Variants in TNRC6C observed in about 807,000 individuals in gnomAD.
TNRC6C encodes the protein trinucleotide repeat containing adaptor 6C, also known as trinucleotide repeat-containing gene 6C protein.
TNRC6C carries 20 observed loss-of-function variants against 153.7 expected under a neutral mutation model. The ratio of observed to expected loss-of-function variants is 0.13; its 90% CI spans 0.09 to 0.19. The LOEUF is 0.19. TNRC6C is among the 10% of genes least tolerant of loss of function. The pLI, the probability that TNRC6C is intolerant of heterozygous loss-of-function variation, is 1.00. For synonymous variants in TNRC6C, 811 were observed against 841.4 expected, an observed-to-expected ratio of 0.96 and a Z score of 0.63; for missense variants, 1,987 against 2,172.0, an observed-to-expected ratio of 0.91 and a Z score of 1.69.
chr17:77,991,330 G>C (rs979986636), intron 1 of TNRC6C, among the ~76,000 whole-genome samples: 18 of 152,150 alleles, frequency 1.2e-4, no homozygotes, highest in African/African-American at 4.3e-4. Context: ...TTTTATCTAT[G>C]TGTGGAGGTG....
intron 2 of TNRC6C, among the ~76,000 whole-genome samples, chr17:78,042,518 T>C (rs749929638): frequency 6.6e-6 from 1 of 152,256 alleles, no homozygotes; most frequent in Non-Finnish European, 1.5e-5. Flanking sequence ...TTTCAGAGTT[T>C]TCATTCATTT....
intron 1 of TNRC6C, among the ~76,000 whole-genome samples, chr17:77,991,507 A>G (rs1194259217): frequency 1.3e-5 from 2 of 152,220 alleles, no homozygotes; most frequent in Non-Finnish European, 2.9e-5. Flanking sequence ...GTGAACAGAA[A>G]TAATACGTAA....
At chr17:77,974,633 T>A (rs535263617) in intron 1 of TNRC6C, among the ~76,000 whole-genome samples, 2 of 152,370 alleles carry the variant, frequency 1.3e-5, no homozygotes, top group East Asian at 3.9e-4. Context: ...TACTTGTGTA[T>A]GTTTTTGGTT....
At chr17:78,063,905 A>T (rs964938643) in intron 3 of TNRC6C, among the ~76,000 whole-genome samples, 13 of 152,234 alleles carry the variant, frequency 8.5e-5, no homozygotes, top group Admixed American at 3.9e-4. Flanking sequence ...AGATGTAAAC[A>T]AGCTATTTAA....
At chr17:78,095,241 G>T (rs1176071370) in intron 16 of TNRC6C, among the ~76,000 whole-genome samples, 2 of 152,250 alleles carry the variant, frequency 1.3e-5, no homozygotes, top group Admixed American at 1.3e-4. Flanking sequence ...CATCGCCTGA[G>T]TGTGCCATGG....
chr17:78,023,997 C>G lies in TNRC6C; in HGVS notation c.-545-7519C>G, dbSNP rs569044113. Among the ~76,000 whole-genome samples the G allele has an allele frequency of 1.7e-4, 26 of 152,230 alleles. No individual in the cohort carries two copies. In the East Asian group the frequency reaches 5.0e-3, roughly 29 times the overall value. On this transcript the variant is annotated intron_variant, in intron 1 of 19. Transcript: ENST00000301624. ...TGGTGGCGGGCACCTGTAATCCCAGCTACTTGGGAGGCTGAGGCAGGAGAA... is the reference window on the plus strand; with the variant it reads ...TGGTGGCGGGCACCTGTAATCCCAGGTACTTGGGAGGCTGAGGCAGGAGAA...
Position 78,104,552 on chromosome 17 carries a change from G to A in TNRC6C, c.4780G>A (p.Ala1594Thr). The A allele has an allele frequency of 6.4e-7, 1 of 1,553,498 alleles. No homozygotes were observed. Among genetic ancestry groups the A allele is most frequent in the East Asian group, 2.4e-5 (1 of 41,366 alleles). The change falls in exon 20 of 20, where the codon GCC becomes ACC. Residue 1594 changes from alanine (A) to threonine (T), a missense_variant. Physicochemically the swap from Ala to Thr is moderately conservative, Grantham distance 58. Transcript: ENST00000301624. This position sits in a 1 kb window ranked among gnomAD's most constrained non-coding sequence, Gnocchi z 6.2. Reference sequence around the variant, plus strand: ...TGAAGAAGAAGTGAATCGCTTCTTAGCCCAAGGCCAGGCGCTGCCACCCAC... The same window carrying A: ...TGAAGAAGAAGTGAATCGCTTCTTAACCCAAGGCCAGGCGCTGCCACCCAC...
intron 1 of TNRC6C, among the ~76,000 whole-genome samples, chr17:77,968,700 A>G (rs368404630): frequency 1.3e-4 from 20 of 152,208 alleles, no homozygotes; most frequent in African/African-American, 4.6e-4. Flanking sequence ...GGATGGCAGA[A>G]TTTTGATTGG....
chr17:78,085,727 C>G (rs984469095), intron 11 of TNRC6C, among the ~76,000 whole-genome samples: 2 of 152,096 alleles, frequency 1.3e-5, no homozygotes, highest in African/African-American at 4.8e-5. Flanking sequence ...GAGATAACCA[C>G]GTTGTTTAAC....
intron 3 of TNRC6C, among the ~76,000 whole-genome samples, chr17:78,060,176 T>C (rs2144135316): frequency 6.6e-6 from 1 of 152,340 alleles, no homozygotes; most frequent in African/African-American, 2.4e-5. Context: ...CTTTGCCATC[T>C]GACTGTACTC....
At chr17:78,023,482 G>A (rs2071875532) in intron 1 of TNRC6C, among the ~76,000 whole-genome samples, 1 of 152,070 alleles carries the variant, frequency 6.6e-6, no homozygotes, top group South Asian at 2.1e-4. Context: ...AATATTCCTA[G>A]CTTCCCAAGA....
intron 1 of TNRC6C, 85 bp downstream of exon 3, chr17:78,005,164 G>A (rs766720223): frequency 2.1e-6 from 2 of 951,030 alleles, no homozygotes; most frequent in Non-Finnish European, 2.7e-6. Flanking sequence ...TTAAATTGAT[G>A]GTTAAAAAAC....
chr17:77,964,182 T>G (rs574218282), intron 1 of TNRC6C, among the ~76,000 whole-genome samples: 104 of 152,346 alleles, frequency 6.8e-4, no homozygotes, highest in African/African-American at 2.4e-3. Flanking sequence ...AAGAAGAGTG[T>G]GACTGGCATC....
At chr17:77,981,629 C>G (rs2071078837) in intron 1 of TNRC6C, among the ~76,000 whole-genome samples, 1 of 152,200 alleles carries the variant, frequency 6.6e-6, no homozygotes, top group South Asian at 2.1e-4. Context: ...ATAGTAATAT[C>G]TAGGGTAGTC....
rs1326648743 is a variant in TNRC6C, at chr17:78,104,367, A to G, written c.4713-118A>G. Reference sequence around the variant, plus strand: ...CTGGGTTTGGAAATAGCAGTGGCAAAACAGAAGCCACAGGATGGCTTCCAT... The same window carrying G: ...CTGGGTTTGGAAATAGCAGTGGCAAGACAGAAGCCACAGGATGGCTTCCAT... On this transcript the variant is annotated intron_variant, in intron 19 of 19. Transcript: ENST00000301624. The surrounding 1 kb of genome is among the most constrained non-coding windows in gnomAD (Gnocchi z 6.2). The G allele has an allele frequency of 1.5e-6, 2 of 1,364,022 alleles. No individual in the cohort carries two copies. The highest frequency in any genetic ancestry group is 3.4e-5 in the Admixed American group (1 of 29,154). The allele number at this position is 1,364,022 out of a possible 1,614,324, so 84.5% of individuals were successfully genotyped here. A position where few individuals can be genotyped will look rare whatever the true frequency, so the allele number is the denominator to read the frequency against.
At chr17:78,068,772 C>T (rs1350604487) in intron 5 of TNRC6C, among the ~76,000 whole-genome samples, 1 of 152,100 alleles carries the variant, frequency 6.6e-6, no homozygotes, top group Non-Finnish European at 1.5e-5. Context: ...TGCACTCCAG[C>T]CTGGGCGACA....
intron 2 of TNRC6C, among the ~76,000 whole-genome samples, chr17:78,033,959 A>T (rs1283790689): frequency 6.6e-6 from 1 of 152,172 alleles, no homozygotes; most frequent in Non-Finnish European, 1.5e-5. Context: ...TCACCTAGTT[A>T]CTAATGCACA....
chr17:78,104,704 T>C lies in TNRC6C; in HGVS notation c.4932T>C (p.Ser1644=), dbSNP rs2073659093. 4 of 1,539,134 alleles carry C rather than the reference T, an allele frequency of 2.6e-6. No homozygotes were observed. The highest frequency in any genetic ancestry group is 3.5e-6 in the Non-Finnish European group (4 of 1,145,382). ...CGTGCCTGGGTGGCAAGGGGAGCAG[T>C]GAGCTGCTGTGGGGCGGGGTGCCCC... Residue 1644 remains serine, a synonymous_variant, in exon 20 of 20, where the codon AGT becomes AGC. Transcript: ENST00000301624. This position sits in a 1 kb window ranked among gnomAD's most constrained non-coding sequence, Gnocchi z 6.2.
Position 78,049,275 on chromosome 17 carries a change from T to C in TNRC6C, c.213T>C (p.Asp71=). ...CTCACTGCTCTGTCAGTGGTGGGGA[T>C]GGAAAAATGGACACTATGATTGGAG... Residue 71 remains aspartate, a synonymous_variant, in exon 3 of 20, where the codon GAT becomes GAC. Coordinates refer to ENST00000301624, the Ensembl canonical transcript of TNRC6C. The surrounding 1 kb of genome is among the most constrained non-coding windows in gnomAD (Gnocchi z 4.1). 1.2e-6 allele frequency: 2 copies of C among 1,612,602 alleles called. No homozygotes were observed. Among genetic ancestry groups the C allele is most frequent in the Non-Finnish European group, 1.7e-6 (2 of 1,179,038 alleles).
Sources: gnomAD v4.1 joint callset for allele counts (sites outside exome capture counted in the v4.1 genomes callset) on GRCh38, gnomAD v4.1.1 for gene constraint, Gnocchi (gnomAD v3.1) non-coding constraint, MANE v1.5 for transcripts, NCBI Gene and HGNC (gene_info 2026-07-23, HGNC 2026-07-21) for gene names.